The following PRKCG variants were observed in gnomAD, a reference collection of about 807,000 sequenced individuals.
PRKCG encodes the protein protein kinase C gamma type.
In PRKCG, 28 loss-of-function variants were observed where a neutral mutation model predicts 82.0. The ratio of observed to expected loss-of-function variants is 0.34; its 90% CI spans 0.25 to 0.47. The LOEUF (loss-of-function observed/expected upper bound fraction) is 0.47, where lower values mean the gene tolerates loss of function less well. PRKCG is among the 20% of genes least tolerant of loss of function. The probability of loss-of-function intolerance (pLI) is 1.00; values close to 1 mark genes in which losing one functional copy is unlikely to be tolerated. For synonymous variants in PRKCG, 383 were observed against 376.6 expected, an observed-to-expected ratio of 1.02 and a Z score of -0.20; for missense variants, 640 against 952.7, an observed-to-expected ratio of 0.67 and a Z score of 4.32.
intron 9 of PRKCG, among the ~76,000 whole-genome samples, chr19:53,895,921 G>T (rs950857510): frequency 6.6e-6 from 1 of 152,030 alleles, no homozygotes; most frequent in Non-Finnish European, 1.5e-5. Flanking sequence ...TTAGCTGGGC[G>T]TGGTGGTGGG....
chr19:53,891,090 C>A (rs1020350306), intron 5 of PRKCG, among the ~76,000 whole-genome samples: 1 of 151,658 alleles, frequency 6.6e-6, no homozygotes, highest in Non-Finnish European at 1.5e-5. Flanking sequence ...AGGGAGAGTA[C>A]CTGGTTCTGA....
In PRKCG at chr19:53,892,981, A is replaced by T; in HGVS notation, c.822-7A>T. 6.2e-7 allele frequency: 1 copy of T among 1,613,436 alleles called. No individual in the cohort carries two copies. Among genetic ancestry groups the T allele is most frequent in the Non-Finnish European group, 8.5e-7 (1 of 1,179,692 alleles). On this transcript the variant is annotated splice_region_variant and splice_polypyrimidine_tract_variant and intron_variant, in intron 7 of 17. Coordinates refer to ENST00000263431, the MANE Select transcript of PRKCG (RefSeq NM_002739.5). The surrounding 1 kb of genome is among the most constrained non-coding windows in gnomAD (Gnocchi z 5.9). ...CTGCCCGCCTCTGGTCTCCGTCTGT[A>T]TGTCAGGTACAAGTTACTGAACCAG... is the stretch of plus-strand genomic sequence containing the variant.
chr19:53,891,490 C>T (rs1300928098), intron 5 of PRKCG, among the ~76,000 whole-genome samples, 184 bp from the exon 6 acceptor site: 1 of 148,880 alleles, frequency 6.7e-6, no homozygotes, highest in East Asian at 2.0e-4. Context: ...TTTCACCATT[C>T]ACAGGATGGT....
In PRKCG at chr19:53,906,991, T is replaced by C; in HGVS notation, c.*96T>C. The C allele has an allele frequency of 1.3e-6, 2 of 1,570,506 alleles. No individual in the cohort carries two copies. The highest frequency in any genetic ancestry group is 1.7e-6 in the Non-Finnish European group (2 of 1,162,218). ...AACTTCACCACCCCCTGTCCCATTCTAGATCCTGCACCCCAGCATTCCAGC... is the reference window on the plus strand; with the variant it reads ...AACTTCACCACCCCCTGTCCCATTCCAGATCCTGCACCCCAGCATTCCAGC... On this transcript the variant is annotated 3_prime_UTR_variant, in exon 18 of 18. Coordinates refer to ENST00000263431, the MANE Select transcript of PRKCG (RefSeq NM_002739.5).
At chr19:53,906,564 C>T (rs558564071) in intron 17 of PRKCG, 107 bp downstream of exon 17, 18 of 1,560,520 alleles carry the variant, frequency 1.2e-5, no homozygotes, top group Admixed American at 1.8e-5. Context: ...CAGAGCCCCC[C>T]GCCCCCAACA....
chr19:53,901,467 C>T (rs1287599812), intron 14 of PRKCG, among the ~76,000 whole-genome samples: 2 of 144,640 alleles, frequency 1.4e-5, no homozygotes, highest in Admixed American at 7.1e-5. Flanking sequence ...TCGCTTGAAC[C>T]GGGGAGGCGG....
At chr19:53,886,404 G>A (rs1433398091) in intron 3 of PRKCG, among the ~76,000 whole-genome samples, 6 of 148,418 alleles carry the variant, frequency 4.0e-5, no homozygotes, top group South Asian at 2.2e-4. Flanking sequence ...GCACCCAGCC[G>A]ATTTTTGGGG....
At chr19:53,896,016 T>C (rs1368417615) in intron 9 of PRKCG, among the ~76,000 whole-genome samples, 1 of 146,544 alleles carries the variant, frequency 6.8e-6, no homozygotes, top group African/African-American at 2.6e-5. Context: ...GCCGAGATCG[T>C]GCCACTGCAC....
At chr19:53,895,513 A>G (rs928143544) in intron 9 of PRKCG, among the ~76,000 whole-genome samples, 6 of 150,994 alleles carry the variant, frequency 4.0e-5, no homozygotes, top group African/African-American at 1.5e-4. Context: ...AAAAAAGAAG[A>G]CAAGAATCTT....
intron 15 of PRKCG, 103 bp downstream of exon 15, chr19:53,903,256 G>A (rs1317409959): frequency 3.4e-6 from 3 of 870,176 alleles, no homozygotes; most frequent in East Asian, 2.4e-5. Flanking sequence ...GGTTGTGCTC[G>A]AATAGCGCTG....
rs777187534 is a variant in PRKCG, at chr19:53,900,743, C to T, written c.1569C>T (p.Ala523=). 1.2e-6 allele frequency: 2 copies of T among 1,614,182 alleles called. No individual in the cohort carries two copies. Among genetic ancestry groups the T allele is most frequent in the South Asian group, 1.1e-5 (1 of 91,090 alleles). Residue 523 remains alanine, a synonymous_variant, in exon 14 of 18, where the codon GCC becomes GCT. Transcript: ENST00000263431. The surrounding 1 kb of genome is among the most constrained non-coding windows in gnomAD (Gnocchi z 4.2). ...TCTGCGGGACCCCGGACTACATAGC[C>T]CCGGAGGTAACCCCAACCCTGCTGC... is the stretch of plus-strand genomic sequence containing the variant. ...RTFCGTPDYI[A]PEIIAYQPYG... is the part of the protein sequence containing the mutation.
chr19:53,887,171 A>G (rs1158090580), intron 3 of PRKCG, among the ~76,000 whole-genome samples: 2 of 152,068 alleles, frequency 1.3e-5, no homozygotes, highest in African/African-American at 4.8e-5. Context: ...TCCGGGGCTC[A>G]AGTGATTCAC....
intron 3 of PRKCG, among the ~76,000 whole-genome samples, chr19:53,885,381 A>T (rs578074423): frequency 6.6e-5 from 10 of 152,198 alleles, no homozygotes; most frequent in African/African-American, 2.4e-4. Flanking sequence ...GGCGCATGCC[A>T]CCACACCCCG....
Position 53,906,369 on chromosome 19 carries a change from C to T in PRKCG, c.1817C>T (p.Pro606Leu). 5 of 1,555,612 alleles carry T rather than the reference C, an allele frequency of 3.2e-6. No individual in the cohort carries two copies. Among genetic ancestry groups the T allele is most frequent in the Non-Finnish European group, 4.4e-6 (5 of 1,148,942 alleles). The change falls in exon 17 of 18, where the codon CCT becomes CTT. Residue 606 changes from proline (P) to leucine (L), a missense_variant. Physicochemically the swap from Pro to Leu is moderately conservative, Grantham distance 98. Around this residue, in one of 7 missense-constraint regions of PRKCG, gnomAD observed 198 missense variants for 273.4 expected, o/e 0.72. Transcript: ENST00000263431. The part of the protein sequence containing the change: ...KRLGSGPDGE[P>L]TIRAHGFFRW... ...CTGGGCTCAGGGCCTGATGGGGAAC[C>T]TACCATCCGTGCACATGGCTTTTTC... is the stretch of plus-strand genomic sequence containing the variant.
chr19:53,886,526 C>T (rs2068632714), intron 3 of PRKCG, among the ~76,000 whole-genome samples: 1 of 152,094 alleles, frequency 6.6e-6, no homozygotes, highest in Admixed American at 6.6e-5. Flanking sequence ...GCCCCAGCTT[C>T]TCAAGTAGCT....
At position 53,907,409 on chromosome 19, in the gene PRKCG, G is replaced by A. The variant is rs1248258694; in HGVS notation, c.*514G>A. The A allele has an allele frequency of 5.7e-6, 1 of 176,664 alleles. No individual in the cohort carries two copies. The highest frequency in any genetic ancestry group is 1.2e-5 in the Non-Finnish European group (1 of 82,260). 10.9% of individuals were successfully genotyped at this position (176,664 alleles called of 1,614,324 possible). A position where few individuals can be genotyped will look rare whatever the true frequency, so the allele number is the denominator to read the frequency against. ...GCTGCTGTGCTCTGGGGATTTCTGG[G>A]ATATATGGAGGATTCTTTCCCCAGA... On this transcript the variant is annotated 3_prime_UTR_variant, in exon 18 of 18. Coordinates refer to ENST00000263431, the MANE Select transcript of PRKCG (RefSeq NM_002739.5).
chr19:53,891,571 C>T (rs537578478), intron 5 of PRKCG, 103 bp from the exon 6 acceptor site: 4 of 1,465,132 alleles, frequency 2.7e-6, no homozygotes, highest in Middle Eastern at 1.7e-4. Context: ...CATGAGCCGC[C>T]GTGCCTGGCC....
chr19:53,899,261 G>A (rs897438746), intron 11 of PRKCG, among the ~76,000 whole-genome samples: 1 of 152,172 alleles, frequency 6.6e-6, no homozygotes, highest in African/African-American at 2.4e-5. Context: ...GGGCTCTTGG[G>A]GGGAGTGGCC....
intron 5 of PRKCG, 67 bp downstream of exon 5, chr19:53,890,084 A>G: frequency 6.7e-7 from 1 of 1,500,970 alleles, no homozygotes; most frequent in Non-Finnish European, 9.0e-7. Flanking sequence ...GACCCAAGGC[A>G]CTTGTGCTGG....
Sources: allele counts gnomAD v4.1 joint callset (sites outside exome capture counted in the v4.1 genomes callset), GRCh38; gene constraint gnomAD v4.1.1; regional missense constraint gnomAD v4.1.1; non-coding constraint Gnocchi (gnomAD v3.1); transcripts MANE v1.5; gene names NCBI Gene and HGNC (gene_info 2026-07-23, HGNC 2026-07-21).